The following ZNF385D variants were observed in gnomAD, a reference collection of about 807,000 sequenced individuals.
ZNF385D encodes the protein zinc finger protein 385D, also known as zinc finger protein 659.
Under a neutral mutation model 35.8 loss-of-function variants are expected in ZNF385D, and 15 were observed. The ratio of observed to expected loss-of-function variants is 0.42; its 90% CI spans 0.28 to 0.64. The LOEUF (loss-of-function observed/expected upper bound fraction) is 0.64, where lower values mean the gene tolerates loss of function less well. ZNF385D is among the 30% of genes least tolerant of loss of function. The pLI is 0.23. For synonymous variants in ZNF385D, 212 were observed against 186.8 expected (o/e 1.13, Z -1.10); for missense variants, 474 against 494.6 (o/e 0.96, Z 0.39).
chr3:21,439,476 T>C (rs953682726), intron 4 of ZNF385D, among the ~76,000 whole-genome samples: 1 of 152,008 alleles, frequency 6.6e-6, no homozygotes, highest in Non-Finnish European at 1.5e-5. Context: ...GGCCACACAC[T>C]GAAGCCAGCG....
intron 2 of ZNF385D, among the ~76,000 whole-genome samples, chr3:21,582,772 C>T (rs73033338): frequency 8.2e-5 from 3 of 36,494 alleles, no homozygotes; most frequent in South Asian, 7.4e-4. Context: ...TTTATTTATT[C>T]ATTCATTCAT....
chr3:22,022,295 A>T (rs139909134), intron 3 of ZNF385D, among the ~76,000 whole-genome samples: 2 of 152,248 alleles, frequency 1.3e-5, no homozygotes, highest in Admixed American at 1.3e-4. Context: ...TTAATTCATA[A>T]GTTTATCGTA....
chr3:22,006,695 T>A (rs1385431182), intron 3 of ZNF385D, among the ~76,000 whole-genome samples: 1 of 152,044 alleles, frequency 6.6e-6, no homozygotes, highest in Non-Finnish European at 1.5e-5. Flanking sequence ...CAATACAGCA[T>A]ATTACATTTG....
rs1290903804 is a variant in ZNF385D at position 21,564,646 on chromosome 3, G to C, written c.204C>G (p.Phe68Leu). Residue 68 changes from phenylalanine to leucine, a missense_variant, in exon 3 of 8, where the codon TTC (phenylalanine) becomes TTG (leucine). Phe to Leu is a conservative substitution (Grantham distance 22, BLOSUM62 0). Transcript: ENST00000281523. ...PIQKAVINHT[F>L]GVPLPHRRKQ... is the part of the protein sequence containing the mutation. ...TTCTTCGGTGGGGAAGAGGAACCCC[G>C]AATGTATGGTTTATTACAGCTTTCT... 5.0e-6 allele frequency: 8 copies of C among 1,585,900 alleles called. No homozygotes were observed. Among genetic ancestry groups the C allele is most frequent in the Non-Finnish European group, 6.9e-6 (8 of 1,166,048 alleles).
rs17009370 is a variant in ZNF385D at position 21,721,461 on chromosome 3, A to C, written c.22+29434T>G. On this transcript the variant is annotated intron_variant, in intron 1 of 7. Transcript: ENST00000281523. Reference sequence around the variant, plus strand: ...CAACATTTGGCAGATCCTAAAAAAGACTCCACACAAACAGAGGAAAATCCC... The same window carrying C: ...CAACATTTGGCAGATCCTAAAAAAGCCTCCACACAAACAGAGGAAAATCCC... Among the ~76,000 whole-genome samples, 544 of 152,096 alleles carry C rather than the reference A, an allele frequency of 3.6e-3. 6 individuals carry two copies. Among genetic ancestry groups the C allele is most frequent in the African/African-American group, 0.012 (512 of 41,468 alleles).
chr3:22,316,927 G>C (rs576550459), intron 2 of ZNF385D, among the ~76,000 whole-genome samples: 3 of 152,132 alleles, frequency 2.0e-5, no homozygotes, highest in African/African-American at 7.2e-5. Flanking sequence ...ACCAAGTGCA[G>C]GAAGGGGCTC....
chr3:21,970,771 C>A (rs1265526742), intron 3 of ZNF385D, among the ~76,000 whole-genome samples: 1 of 151,850 alleles, frequency 6.6e-6, no homozygotes, highest in Non-Finnish European at 1.5e-5. Context: ...ATTTGATAAT[C>A]AAACTCCTAA....
rs561466020 is a variant in ZNF385D at position 21,606,188 on chromosome 3, A to G, written c.166-41504T>C. Among the ~76,000 whole-genome samples the G allele has an allele frequency of 3.3e-3, 495 of 152,278 alleles. 5 individuals are homozygous for G. Among genetic ancestry groups the G allele is most frequent in the African/African-American group, 0.011 (462 of 41,542 alleles). ...GTAGCTGCTTCTAAGATGATACTCA[A>G]ATCATGCAGCCTGTCCCACACAGCC... is the stretch of plus-strand genomic sequence containing the variant. On this transcript the variant is annotated intron_variant, in intron 2 of 7. Transcript: ENST00000281523.
At chr3:21,540,327 T>G (rs1000581962) in intron 3 of ZNF385D, among the ~76,000 whole-genome samples, 3 of 152,196 alleles carry the variant, frequency 2.0e-5, no homozygotes, top group Non-Finnish European at 4.4e-5. Context: ...CAATGAGACC[T>G]AAATGTAAAT....
At chr3:22,037,059 G>T (rs779614556) in intron 3 of ZNF385D, among the ~76,000 whole-genome samples, 10 of 151,944 alleles carry the variant, frequency 6.6e-5, no homozygotes, top group Admixed American at 1.3e-4. Flanking sequence ...TTTTATGGCT[G>T]CATAGTATTT....
intron 4 of ZNF385D, among the ~76,000 whole-genome samples, chr3:21,508,185 G>T (rs1024504228): frequency 6.6e-6 from 1 of 152,004 alleles, no homozygotes; most frequent in African/African-American, 2.4e-5. Context: ...AGCTTGGAAG[G>T]GTGCTTCATC....
chr3:22,209,929 G>C (rs1353697902), intron 2 of ZNF385D, among the ~76,000 whole-genome samples: 1 of 151,326 alleles, frequency 6.6e-6, no homozygotes, highest in East Asian at 1.9e-4. Flanking sequence ...CTTAGTAACG[G>C]GACACAGACA....
At chr3:21,770,696 C>G (rs1184486894) in intron 3 of ZNF385D, among the ~76,000 whole-genome samples, 1 of 152,108 alleles carries the variant, frequency 6.6e-6, no homozygotes, top group African/African-American at 2.4e-5. Flanking sequence ...CCTCAGGGAT[C>G]TAGAACTAGA....
At chr3:21,610,923 T>C (rs529881801) in intron 2 of ZNF385D, among the ~76,000 whole-genome samples, 35 of 152,244 alleles carry the variant, frequency 2.3e-4, no homozygotes, top group African/African-American at 8.4e-4. Context: ...TGGGAAAGAA[T>C]GGGTTTCTTC....
intron 3 of ZNF385D, among the ~76,000 whole-genome samples, chr3:22,164,858 C>T (rs1349312709): frequency 6.6e-6 from 1 of 151,736 alleles, no homozygotes; most frequent in Non-Finnish European, 1.5e-5. Flanking sequence ...GCTATCAAGC[C>T]ATAAAAAGAC....
intron 3 of ZNF385D, among the ~76,000 whole-genome samples, chr3:21,562,948 C>CA (rs965384936): frequency 9.9e-5 from 15 of 152,050 alleles, no homozygotes; most frequent in Non-Finnish European, 1.3e-4. Context: ...CATTAAAAAA[C>CA]AAAAAATCCC....
chr3:21,414,816 C>A lies in ZNF385D; in HGVS notation c.*6398G>T, dbSNP rs1232529169. 1 of 152,066 alleles carries A rather than the reference C, an allele frequency of 6.6e-6. No homozygotes were observed. The highest frequency in any genetic ancestry group is 1.5e-5 in the Non-Finnish European group (1 of 68,002). The allele number at this position is 152,066 out of a possible 1,614,324, so 9.4% of individuals were successfully genotyped here. A position where few individuals can be genotyped will look rare whatever the true frequency, so the allele number is the denominator to read the frequency against. The stretch of plus-strand genomic sequence containing the variant: ...CATTTTTCTATAATCCATTTAAAAA[C>A]CAGATGCCATAAAATGGAATTTTTC... On this transcript the variant is annotated 3_prime_UTR_variant, in exon 8 of 8. Transcript: ENST00000281523.
chr3:21,451,664 T>C (rs1392590414), intron 4 of ZNF385D, among the ~76,000 whole-genome samples: 2 of 152,010 alleles, frequency 1.3e-5, no homozygotes, highest in Non-Finnish European at 2.9e-5. Flanking sequence ...TGACAAAAAA[T>C]TAAAAGGTTC....
chr3:21,940,280 G>T (rs919584121), intron 3 of ZNF385D, among the ~76,000 whole-genome samples: 1 of 152,084 alleles, frequency 6.6e-6, no homozygotes, highest in Non-Finnish European at 1.5e-5. Flanking sequence ...GATTTTAAGG[G>T]CAAGCAGAGG....
Sources: allele counts gnomAD v4.1 joint callset (sites outside exome capture counted in the v4.1 genomes callset), GRCh38; gene constraint gnomAD v4.1.1; transcripts MANE v1.5; gene names NCBI Gene and HGNC (gene_info 2026-07-23, HGNC 2026-07-21).